The following JADE1 variants were observed in gnomAD, a reference collection of about 807,000 sequenced individuals.
JADE1 encodes jade family PHD finger 1.
JADE1 carries 14 observed loss-of-function variants against 81.8 expected under a neutral mutation model. That is an observed-to-expected ratio of 0.17 (90% CI 0.11 to 0.27). The LOEUF is 0.27. JADE1 is among the 10% of genes least tolerant of loss of function. The pLI is 1.00. For synonymous variants in JADE1, 353 were observed against 391.9 expected, an observed-to-expected ratio of 0.90 and a Z score of 1.17; for missense variants, 690 against 1,047.9, an observed-to-expected ratio of 0.66 and a Z score of 4.71.
chr4:128,844,976 C>G (rs1289285203), intron 3 of JADE1, among the ~76,000 whole-genome samples: 1 of 152,200 alleles, frequency 6.6e-6, no homozygotes, highest in Non-Finnish European at 1.5e-5. Flanking sequence ...CTTAGTAGCA[C>G]AAGAAAGAAC....
intron 6 of JADE1, among the ~76,000 whole-genome samples, chr4:128,854,542 G>A (rs1016282896): frequency 2.0e-5 from 3 of 152,128 alleles, no homozygotes; most frequent in African/African-American, 7.2e-5. Flanking sequence ...ACAGCACTCT[G>A]AGGCTTCCAT....
rs1017185356 is a variant in JADE1, at chr4:128,872,330, G to A, written c.*68G>A. On this transcript the variant is annotated 3_prime_UTR_variant, in exon 11 of 11. Coordinates refer to ENST00000226319, the MANE Select transcript of JADE1 (RefSeq NM_199320.4). ...GTTTGCTAGAGGAGAGCTCTGATGT[G>A]GGGGAGAAGCAGAAACCCATTAATC... 2 of 1,365,746 alleles carry A rather than the reference G, an allele frequency of 1.5e-6. No homozygotes were observed. Among genetic ancestry groups the A allele is most frequent in the Non-Finnish European group, 2.0e-6 (2 of 985,500 alleles). 84.6% of individuals were successfully genotyped at this position (1,365,746 alleles called of 1,614,324 possible). A position where few individuals can be genotyped will look rare whatever the true frequency, so the allele number is the denominator to read the frequency against.
At chr4:128,870,853 A>G (rs1732137592) in intron 10 of JADE1, among the ~76,000 whole-genome samples, 2 of 152,232 alleles carry the variant, frequency 1.3e-5, no homozygotes, top group Admixed American at 1.3e-4. Context: ...ACATGTTTAC[A>G]TGTACTTGTC....
Position 128,872,785 on chromosome 4 carries a change from G to A in JADE1, c.*523G>A, listed in dbSNP as rs1732289425. On this transcript the variant is annotated 3_prime_UTR_variant, in exon 11 of 11. Coordinates refer to ENST00000226319, the MANE Select transcript of JADE1 (RefSeq NM_199320.4). ...ATAGCATATAGGCAGCAGCTCTGAA[G>A]CTTCAGTAACACTAAGAAATTTATG... 1 of 375,704 alleles carries A rather than the reference G, an allele frequency of 2.7e-6. No individual in the cohort carries two copies. The highest frequency in any genetic ancestry group is 2.1e-5 in the African/African-American group (1 of 47,726). The allele number at this position is 375,704 out of a possible 1,614,324, so 23.3% of individuals were successfully genotyped here.
rs767338028 is a variant in JADE1, at chr4:128,831,750, G to T, written c.-9G>T. ...CTTTGCAGGCTGCCTGCTGTTTCCC[G>T]GGGAGATCATGAAACGAGGTCGCCT... On this transcript the variant is annotated 5_prime_UTR_variant, in exon 2 of 11. Transcript: ENST00000226319. 57 of 1,613,854 alleles carry T rather than the reference G, an allele frequency of 3.5e-5. No homozygotes were observed. Among genetic ancestry groups the T allele is most frequent in the Admixed American group, 1.3e-4 (8 of 59,992 alleles).
In JADE1 at chr4:128,850,312, C is replaced by CAAA. The variant is rs10626914; in HGVS notation, c.484+1158_484+1160dup. Reference sequence around the variant, plus strand: ...TGGGCAACAGAGCCAGACTCCATCTCAAAAAAAAAAAAAAATCACAAGATT... The same window carrying CAAA: ...TGGGCAACAGAGCCAGACTCCATCTCAAAAAAAAAAAAAAAAAATCACAAGATT... On this transcript the variant is annotated intron_variant, in intron 5 of 10. Coordinates refer to ENST00000226319, the MANE Select transcript of JADE1 (RefSeq NM_199320.4). 2.4e-3 allele frequency among the ~76,000 whole-genome samples: 339 copies of CAAA among 139,904 alleles called. 1 individual carries two copies. The highest frequency in any genetic ancestry group is 4.0e-3 in the African/African-American group (148 of 37,440). 91.8% of individuals were successfully genotyped at this position (139,904 alleles called of 152,430 possible).
intron 2 of JADE1, among the ~76,000 whole-genome samples, chr4:128,837,614 A>G (rs1332611304): frequency 6.6e-6 from 1 of 152,212 alleles, no homozygotes; most frequent in Non-Finnish European, 1.5e-5. Context: ...TTGAGATGGG[A>G]ATTAACACAG....
intron 1 of JADE1, 197 bp from the exon 2 acceptor site, chr4:128,831,536 C>A: frequency 1.9e-6 from 1 of 535,334 alleles, no homozygotes; most frequent in Non-Finnish European, 3.3e-6. Flanking sequence ...CCACCCCTCC[C>A]CCTCCTTTTT....
intron 10 of JADE1, among the ~76,000 whole-genome samples, chr4:128,870,168 A>G (rs1239667955): frequency 6.6e-6 from 1 of 152,210 alleles, no homozygotes; most frequent in Non-Finnish European, 1.5e-5. Context: ...AGTAAAAGAA[A>G]TATATGCAGT....
chr4:128,854,081 A>C (rs914331878), intron 6 of JADE1, among the ~76,000 whole-genome samples: 1 of 151,502 alleles, frequency 6.6e-6, no homozygotes, highest in Non-Finnish European at 1.5e-5. Context: ...TTTACTTGCT[A>C]TTTTTTTCCC....
rs1728484863 is a variant in JADE1 at position 128,830,787 on chromosome 4, A to G, written c.-26-946A>G. On this transcript the variant is annotated intron_variant, in intron 1 of 10. Coordinates refer to ENST00000226319, the MANE Select transcript of JADE1 (RefSeq NM_199320.4). ...GTTTAGAGAGCTGCCCTGTGTGAAT[A>G]TAACCGCGAGACCATCTGTATAAGT... Among the ~76,000 whole-genome samples, 4 of 152,332 alleles carry G rather than the reference A, an allele frequency of 2.6e-5. 1 individual carries two copies. In the South Asian group the frequency reaches 8.3e-4, roughly 32 times the overall value.
intron 2 of JADE1, among the ~76,000 whole-genome samples, chr4:128,836,173 T>A (rs1306874174): frequency 6.6e-6 from 1 of 152,170 alleles, no homozygotes; most frequent in Non-Finnish European, 1.5e-5. Context: ...CTAACTACTT[T>A]CAGTACAGTT....
chr4:128,863,164 C>T (rs938167160), intron 9 of JADE1: 10 of 985,398 alleles, frequency 1.0e-5, no homozygotes, highest in East Asian at 1.1e-4. Context: ...TCTGGAGTCC[C>T]GTCTGGACGT....
At chr4:128,830,883 A>G (rs1240297022) in intron 1 of JADE1, among the ~76,000 whole-genome samples, 1 of 152,178 alleles carries the variant, frequency 6.6e-6, no homozygotes, top group Non-Finnish European at 1.5e-5. Flanking sequence ...ACTTGAGGGT[A>G]GTGCTAGAAT....
At chr4:128,833,694 G>A (rs993582181) in intron 2 of JADE1, among the ~76,000 whole-genome samples, 2 of 151,896 alleles carry the variant, frequency 1.3e-5, no homozygotes, top group Admixed American at 1.3e-4. Flanking sequence ...ACTCCGTCTC[G>A]AAAAAAAATT....
At chr4:128,810,450 G>GTTTTTT (rs397880705) in intron 1 of JADE1, 1 of 113,934 alleles carries the variant, frequency 8.8e-6, no homozygotes, top group Non-Finnish European at 1.8e-5. Context: ...TAGTTTATAG[G>GTTTTTT]TTTTTTTTTT....
intron 1 of JADE1, among the ~76,000 whole-genome samples, chr4:128,815,954 T>C (rs1726994645): frequency 6.6e-6 from 1 of 152,128 alleles, no homozygotes; most frequent in Admixed American, 6.6e-5. Context: ...ACGTCACGTT[T>C]AAACTTATTT....
intron 8 of JADE1, among the ~76,000 whole-genome samples, chr4:128,861,039 C>T (rs1250525634): frequency 2.0e-5 from 3 of 152,156 alleles, no homozygotes; most frequent in African/African-American, 4.8e-5. Context: ...GTGCACTGTT[C>T]ATTTTCTCAC....
intron 1 of JADE1, among the ~76,000 whole-genome samples, chr4:128,829,998 C>G (rs1728404172): frequency 6.6e-6 from 1 of 151,630 alleles, no homozygotes; most frequent in Admixed American, 6.6e-5. Flanking sequence ...CTGCTTGAGC[C>G]TCCTGAGTAG....
Sources: allele counts gnomAD v4.1 joint callset (sites outside exome capture counted in the v4.1 genomes callset), GRCh38; gene constraint gnomAD v4.1.1; transcripts MANE v1.5; gene names NCBI Gene and HGNC (gene_info 2026-07-23, HGNC 2026-07-21).